ZNF592: variants seen among roughly 807,000 people sequenced by gnomAD.
ZNF592 encodes the protein spinocerebellar ataxia, autosomal recessive 5.
A neutral mutation model predicts 80.3 loss-of-function variants in ZNF592; 11 were observed. The ratio of observed to expected loss-of-function variants is 0.14; its 90% CI spans 0.09 to 0.23. ZNF592 has a LOEUF of 0.23. Ranked by LOEUF, ZNF592 falls within the 10% of genes least tolerant of loss-of-function variation. The pLI is 1.00. For synonymous variants in ZNF592, 646 were observed against 640.3 expected (o/e 1.01, Z -0.13); for missense variants, 1,420 against 1,633.9 (o/e 0.87, Z 2.26).
At chr15:84,788,136 G>C (rs1299444273) in intron 4 of ZNF592, among the ~76,000 whole-genome samples, 4 of 152,104 alleles carry the variant, frequency 2.6e-5, no homozygotes, top group Admixed American at 2.6e-4. Context: ...ATGGAGGGTG[G>C]GGGTGGAGGG....
At chr15:84,758,284 T>G (rs779126091) in intron 1 of ZNF592, among the ~76,000 whole-genome samples, 1 of 151,974 alleles carries the variant, frequency 6.6e-6, no homozygotes, top group Admixed American at 6.6e-5. Context: ...CGTTAATCCT[T>G]TAAAAAAAAT....
Position 84,783,820 on chromosome 15 carries a change from C to T in ZNF592, c.1145C>T (p.Thr382Ile). ...AAAGTGAGAATCAAAACCATTAAGA[C>T]ATCATCAGGGGAAATCAAACGGACT... Reference protein sequence around the residue: ...IPKVRIKTIKTSSGEIKRTVT... With the variant: ...IPKVRIKTIKISSGEIKRTVT... Residue 382 changes from threonine (T) to isoleucine (I), a missense_variant, in exon 4 of 11, where the codon ACA (threonine) becomes ATA (isoleucine). By Grantham distance (89) the Thr-to-Ile change is moderately conservative (BLOSUM62 -1). Coordinates refer to ENST00000560079, the MANE Select transcript of ZNF592 (RefSeq NM_014630.3). This position sits in a 1 kb window ranked among gnomAD's most constrained non-coding sequence, Gnocchi z 5.0. 1 of 1,614,232 alleles carries T rather than the reference C, an allele frequency of 6.2e-7. No homozygotes were observed. The highest frequency in any genetic ancestry group is 8.5e-7 in the Non-Finnish European group (1 of 1,180,036).
At chr15:84,800,404 C>A (rs1479592628) in intron 10 of ZNF592, among the ~76,000 whole-genome samples, 2 of 152,168 alleles carry the variant, frequency 1.3e-5, no homozygotes, top group African/African-American at 4.8e-5. Flanking sequence ...GGCCTAGAAC[C>A]TTCTATCCTG....
chr15:84,752,752 G>T (rs1392897474), intron 1 of ZNF592, among the ~76,000 whole-genome samples: 1 of 152,148 alleles, frequency 6.6e-6, no homozygotes, highest in Non-Finnish European at 1.5e-5. Flanking sequence ...TATTTGGGGG[G>T]CATCACTGTG....
chr15:84,783,926 C>T lies in ZNF592; in HGVS notation c.1251C>T (p.Ala417=). ...GSPLGSAIAE[A]PSEMPGDEVP... ...CTCTAGGGAGCGCCATTGCAGAGGC[C>T]CCCAGCGAGATGCCAGGGGATGAGG... Residue 417 remains alanine, a synonymous_variant, in exon 4 of 11, where the codon GCC becomes GCT. Coordinates refer to ENST00000560079, the MANE Select transcript of ZNF592 (RefSeq NM_014630.3). This position sits in a 1 kb window ranked among gnomAD's most constrained non-coding sequence, Gnocchi z 5.0. The T allele has an allele frequency of 6.2e-7, 1 of 1,614,044 alleles. No homozygotes were observed. The highest frequency in any genetic ancestry group is 8.5e-7 in the Non-Finnish European group (1 of 1,179,918).
chr15:84,798,161 G>T lies in ZNF592; in HGVS notation c.2576+116G>T. The stretch of plus-strand genomic sequence containing the variant: ...CTGGGGTTAGTGGCAGAGGTGCCTG[G>T]GGTCGTACTAAGGATGTCCTGAGGC... On this transcript the variant is annotated intron_variant, in intron 6 of 10. Transcript: ENST00000560079. This position sits in a 1 kb window ranked among gnomAD's most constrained non-coding sequence, Gnocchi z 4.5. The T allele has an allele frequency of 6.4e-7, 1 of 1,562,406 alleles. No individual in the cohort carries two copies. The highest frequency in any genetic ancestry group is 8.7e-7 in the Non-Finnish European group (1 of 1,146,082).
In ZNF592 at chr15:84,797,980, G is replaced by C. The variant is rs1207440052; in HGVS notation, c.2511G>C (p.Lys837Asn). 51 of 1,614,100 alleles carry C rather than the reference G, an allele frequency of 3.2e-5. No homozygotes were observed. The highest frequency in any genetic ancestry group is 4.3e-5 in the Non-Finnish European group (51 of 1,180,058). ...HKCAFCPMAF[K>N]TASSTADHSA... ...GTGCATTCTGCCCCATGGCCTTCAA[G>C]ACTGCCAGCAGCACTGCAGACCACA... The change falls in exon 6 of 11, where the codon AAG becomes AAC. Residue 837 changes from lysine (K) to asparagine (N), a missense_variant. Transcript: ENST00000560079.
intron 1 of ZNF592, among the ~76,000 whole-genome samples, chr15:84,754,190 C>A (rs1899095406): frequency 6.6e-6 from 1 of 152,204 alleles, no homozygotes; most frequent in African/African-American, 2.4e-5. Flanking sequence ...GGGCTGTCGT[C>A]CCCTGGTCAC....
chr15:84,765,813 G>A (rs1189589585), intron 2 of ZNF592, among the ~76,000 whole-genome samples: 1 of 151,970 alleles, frequency 6.6e-6, no homozygotes, highest in Non-Finnish European at 1.5e-5. Flanking sequence ...AGGGATTACA[G>A]GCATGAGCCA....
At chr15:84,789,807 C>T (rs1474755578) in intron 4 of ZNF592, among the ~76,000 whole-genome samples, 1 of 152,218 alleles carries the variant, frequency 6.6e-6, no homozygotes, top group Non-Finnish European at 1.5e-5. Context: ...CCTCTGACCC[C>T]ACATCAGTGG....
chr15:84,749,801 G>A (rs1211432236), intron 1 of ZNF592, among the ~76,000 whole-genome samples: 4 of 152,298 alleles, frequency 2.6e-5, no homozygotes, highest in South Asian at 2.1e-4. Context: ...TCACTGTTAC[G>A]TTACACAGTG....
intron 5 of ZNF592, among the ~76,000 whole-genome samples, chr15:84,796,845 T>TCTA (rs1271230907): frequency 6.6e-6 from 1 of 152,200 alleles, no homozygotes; most frequent in Non-Finnish European, 1.5e-5. Context: ...TATAGTATAG[T>TCTA]ACCAGCCATT....
chr15:84,764,393 G>A (rs1899438341), intron 1 of ZNF592, among the ~76,000 whole-genome samples: 1 of 152,068 alleles, frequency 6.6e-6, no homozygotes, highest in Non-Finnish European at 1.5e-5. Context: ...TTACATATGG[G>A]GAAACAGACA....
At position 84,803,408 on chromosome 15, in the gene ZNF592, T is replaced by A. The variant is rs1963155986; in HGVS notation, c.*1015T>A. ...TCCCATCTCTGAGGGAGAACAATAC[T>A]TCCTACTGTCTAAGGAAGGCCTTCT... On this transcript the variant is annotated 3_prime_UTR_variant, in exon 11 of 11. Coordinates refer to ENST00000560079, the MANE Select transcript of ZNF592 (RefSeq NM_014630.3). The A allele has an allele frequency of 6.6e-6, 1 of 152,644 alleles. No homozygotes were observed. Among genetic ancestry groups the A allele is most frequent in the Non-Finnish European group, 1.5e-5 (1 of 68,074 alleles). 9.5% of individuals were successfully genotyped at this position (152,644 alleles called of 1,614,324 possible). A position where few individuals can be genotyped will look rare whatever the true frequency, so the allele number is the denominator to read the frequency against.
At position 84,799,276 on chromosome 15, in the gene ZNF592, G is replaced by A. The variant is rs750752104; in HGVS notation, c.3137+66G>A. 1 of 1,458,346 alleles carries A rather than the reference G, an allele frequency of 6.9e-7. No individual in the cohort carries two copies. The highest frequency in any genetic ancestry group is 1.7e-5 in the Admixed American group (1 of 59,726). The allele number at this position is 1,458,346 out of a possible 1,614,324, so 90.3% of individuals were successfully genotyped here. On this transcript the variant is annotated intron_variant, in intron 9 of 10. Transcript: ENST00000560079. This position sits in a 1 kb window ranked among gnomAD's most constrained non-coding sequence, Gnocchi z 4.2. ...AAAGACTCTGTCCGTGGCACCACTGGGGCTTTTCTGTGCTGCAAGATCAGG... is the reference window on the plus strand; with the variant it reads ...AAAGACTCTGTCCGTGGCACCACTGAGGCTTTTCTGTGCTGCAAGATCAGG...
At chr15:84,750,146 A>T (rs912216508) in intron 1 of ZNF592, among the ~76,000 whole-genome samples, 1 of 152,220 alleles carries the variant, frequency 6.6e-6, no homozygotes, top group African/African-American at 2.4e-5. Context: ...CACTAAAAAA[A>T]TACAAAATTA....
Position 84,799,081 on chromosome 15 carries a change from G to C in ZNF592, c.3025-17G>C. Reference sequence around the variant, plus strand: ...TTACAGTTCTGATGCTTTGTGTGTTGCCACCTCCTTCCTTAGACATTGAAG... The same window carrying C: ...TTACAGTTCTGATGCTTTGTGTGTTCCCACCTCCTTCCTTAGACATTGAAG... On this transcript the variant is annotated splice_polypyrimidine_tract_variant and intron_variant, in intron 8 of 10. Transcript: ENST00000560079. This position sits in a 1 kb window ranked among gnomAD's most constrained non-coding sequence, Gnocchi z 4.2. 6.2e-7 allele frequency: 1 copy of C among 1,613,778 alleles called. No individual in the cohort carries two copies. The highest frequency in any genetic ancestry group is 8.5e-7 in the Non-Finnish European group (1 of 1,179,698).
At chr15:84,779,536 T>G (rs1262046845) in intron 3 of ZNF592, among the ~76,000 whole-genome samples, 1 of 152,146 alleles carries the variant, frequency 6.6e-6, no homozygotes, top group Non-Finnish European at 1.5e-5. Context: ...TTTTTAAAAA[T>G]AGAGAGAGTC....
At position 84,790,740 on chromosome 15, in the gene ZNF592, G is replaced by C; in HGVS notation, c.2256G>C (p.Gln752His). The C allele has an allele frequency of 1.9e-6, 3 of 1,614,156 alleles. No homozygotes were observed. The highest frequency in any genetic ancestry group is 2.5e-6 in the Non-Finnish European group (3 of 1,180,024). Residue 752 changes from glutamine to histidine, a missense_variant, in exon 5 of 11, where the codon CAG becomes CAC. This residue lies in a region of ZNF592 where 524 missense variants were observed against 628.3 expected (regional missense o/e 0.83). Transcript: ENST00000560079. ...TATGCCAAATGCTGCTGCCCAACCA[G>C]TGCAGTTTCTGTGCCCACCAGCGGA... ...CQVCQMLLPN[Q>H]CSFCAHQRIH...
Sources: allele counts gnomAD v4.1 joint callset (sites outside exome capture counted in the v4.1 genomes callset), GRCh38; gene constraint gnomAD v4.1.1; regional missense constraint gnomAD v4.1.1; non-coding constraint Gnocchi (gnomAD v3.1); transcripts MANE v1.5; gene names NCBI Gene and HGNC (gene_info 2026-07-23, HGNC 2026-07-21).